WWOX: variants seen among roughly 807,000 people sequenced by gnomAD.
WWOX encodes the protein WW domain containing oxidoreductase, also known as WW domain-containing oxidoreductase.
WWOX carries 69 observed loss-of-function variants against 46.2 expected under a neutral mutation model. The ratio of observed to expected loss-of-function variants is 1.49; its 90% CI spans 1.23 to 1.82. The LOEUF (loss-of-function observed/expected upper bound fraction) is 1.82. WWOX is among the 40% of genes most tolerant of loss of function. The pLI, the probability that WWOX is intolerant of heterozygous loss-of-function variation, is 0.00. For missense variants in WWOX, 919 were observed against 542.6 expected, an observed-to-expected ratio of 1.69 and a Z score of -6.89; for synonymous variants, 359 against 202.6, an observed-to-expected ratio of 1.77 and a Z score of -6.56.
At chr16:79,209,820 T>C (rs988996776) in intron 8 of WWOX, among the ~76,000 whole-genome samples, 3 of 152,230 alleles carry the variant, frequency 2.0e-5, no homozygotes, top group Non-Finnish European at 4.4e-5. Context: ...TGAAGTTGTT[T>C]AGATAAATGT....
At chr16:78,454,367 TG>T (rs1429730861) in intron 8 of WWOX, among the ~76,000 whole-genome samples, 1 of 150,816 alleles carries the variant, frequency 6.6e-6, no homozygotes. Flanking sequence ...CGTGTGTGTG[TG>T]TGTGTGTGTG....
At chr16:78,935,885 C>G (rs2045726944) in intron 8 of WWOX, among the ~76,000 whole-genome samples, 1 of 151,952 alleles carries the variant, frequency 6.6e-6, no homozygotes, top group African/African-American at 2.4e-5. Flanking sequence ...GCACTTCGGC[C>G]TGGGTGACAG....
intron 8 of WWOX, among the ~76,000 whole-genome samples, chr16:78,589,376 T>C (rs919889808): frequency 2.0e-5 from 3 of 152,346 alleles, no homozygotes; most frequent in African/African-American, 4.8e-5. Context: ...TGTGATTTTA[T>C]TGACAGTCAT....
intron 8 of WWOX, among the ~76,000 whole-genome samples, chr16:78,911,102 C>A (rs1226857909): frequency 6.6e-6 from 1 of 152,026 alleles, no homozygotes; most frequent in East Asian, 1.9e-4. Flanking sequence ...TCTTGTTCTC[C>A]CCAGTTGCAG....
chr16:79,064,090 C>G (rs113294210), intron 8 of WWOX, among the ~76,000 whole-genome samples: 6,586 of 152,266 alleles, frequency 0.043, 447 homozygotes, highest in African/African-American at 0.15. Flanking sequence ...AGCAACATGT[C>G]TAGTGTTTAT....
At position 78,900,350 on chromosome 16, in the gene WWOX, A is replaced by C. The variant is rs550151770; in HGVS notation, c.1057-311258A>C. On this transcript the variant is annotated intron_variant, in intron 8 of 8. Coordinates refer to ENST00000566780, the MANE Select transcript of WWOX (RefSeq NM_016373.4). ...CTTAAGCCCAAATGAGCTGTCACTC[A>C]AGTATGCACGCTCATATTATTAAAA... 3.3e-5 allele frequency among the ~76,000 whole-genome samples: 5 copies of C among 152,272 alleles called. No homozygotes were observed. In the East Asian group the frequency reaches 9.7e-4, roughly 29 times the overall value.
At chr16:78,498,935 C>T (rs1347034417) in intron 8 of WWOX, among the ~76,000 whole-genome samples, 2 of 152,094 alleles carry the variant, frequency 1.3e-5, no homozygotes, top group African/African-American at 4.8e-5. Flanking sequence ...GAGAGATAAG[C>T]ACAATAATGA....
intron 8 of WWOX, among the ~76,000 whole-genome samples, chr16:78,870,227 A>T (rs562534597): frequency 6.6e-6 from 1 of 152,214 alleles, no homozygotes; most frequent in African/African-American, 2.4e-5. Flanking sequence ...GTTGATACAC[A>T]TTCAGGACTC....
At chr16:78,758,793 A>G (rs905147391) in intron 8 of WWOX, among the ~76,000 whole-genome samples, 3 of 152,152 alleles carry the variant, frequency 2.0e-5, no homozygotes, top group East Asian at 1.9e-4. Context: ...TATACAAGAC[A>G]TTAGCATTTG....
intron 7 of WWOX, among the ~76,000 whole-genome samples, chr16:78,431,739 G>T (rs946328008): frequency 3.4e-5 from 5 of 148,370 alleles, no homozygotes; most frequent in Admixed American, 1.4e-4. Flanking sequence ...TTTTAGATAT[G>T]GGGGTCTCAC....
intron 8 of WWOX, among the ~76,000 whole-genome samples, chr16:78,628,308 C>G (rs1036597709): frequency 6.6e-6 from 1 of 152,134 alleles, no homozygotes; most frequent in Non-Finnish European, 1.5e-5. Flanking sequence ...CTTTTCAGTT[C>G]AGTGTTTCAG....
intron 8 of WWOX, among the ~76,000 whole-genome samples, chr16:78,645,789 C>G (rs540556503): frequency 1.2e-3 from 181 of 152,246 alleles, no homozygotes; most frequent in Admixed American, 2.0e-3. Flanking sequence ...CAACAGACAT[C>G]CAAACTATAG....
At chr16:78,627,027 C>T (rs12596464) in intron 8 of WWOX, among the ~76,000 whole-genome samples, 64,017 of 151,904 alleles carry the variant, frequency 0.42, 16,341 homozygotes, top group Middle Eastern at 0.58. Context: ...TTTTGTGCCT[C>T]CTCTTCCCTC....
At chr16:78,329,398 G>C (rs1235731264) in intron 5 of WWOX, among the ~76,000 whole-genome samples, 1 of 152,286 alleles carries the variant, frequency 6.6e-6, no homozygotes, top group East Asian at 1.9e-4. Context: ...CCACCACGAA[G>C]GTTCCAGACA....
chr16:78,391,614 G>A (rs77136886), intron 6 of WWOX, among the ~76,000 whole-genome samples: 13,717 of 152,242 alleles, frequency 0.09, 893 homozygotes, highest in South Asian at 0.17. Context: ...TGGGGAGGCC[G>A]CAGTGGGTGG....
intron 8 of WWOX, among the ~76,000 whole-genome samples, chr16:78,455,599 T>G (rs917280364): frequency 8.4e-6 from 1 of 119,022 alleles, no homozygotes; most frequent in African/African-American, 3.7e-5. Context: ...GCTGAGATCA[T>G]GCCACTGCAC....
intron 8 of WWOX, among the ~76,000 whole-genome samples, chr16:78,693,238 C>T (rs1259805652): frequency 6.6e-6 from 1 of 152,170 alleles, no homozygotes; most frequent in African/African-American, 2.4e-5. Flanking sequence ...TTTATCTCCA[C>T]CTCATGGTTT....
At chr16:78,463,262 T>G (rs1597120318) in intron 8 of WWOX, among the ~76,000 whole-genome samples, 1 of 152,142 alleles carries the variant, frequency 6.6e-6, no homozygotes, top group Admixed American at 6.5e-5. Context: ...ATGTTGGAGG[T>G]GCCCTTGCAG....
intron 8 of WWOX, among the ~76,000 whole-genome samples, chr16:78,528,055 G>A (rs1161194779): frequency 1.5e-5 from 2 of 133,602 alleles, no homozygotes. Flanking sequence ...CTGGAGTGCA[G>A]TGGCGTAATC....
Sources: allele counts gnomAD v4.1 joint callset (sites outside exome capture counted in the v4.1 genomes callset), GRCh38; gene constraint gnomAD v4.1.1; transcripts MANE v1.5; gene names NCBI Gene and HGNC (gene_info 2026-07-23, HGNC 2026-07-21).